Variants in LRRK2 observed in about 807,000 individuals in gnomAD.
The protein encoded by LRRK2 is leucine rich repeat kinase 2.
Under a neutral mutation model 302.6 loss-of-function variants are expected in LRRK2, and 203 were observed. The ratio of observed to expected loss-of-function variants is 0.67; its 90% CI spans 0.60 to 0.75. The LOEUF is 0.75. Ranked by LOEUF, LRRK2 falls within the 30% of genes least tolerant of loss-of-function variation. The pLI, the probability that LRRK2 is intolerant of heterozygous loss-of-function variation, is 0.00. For missense variants in LRRK2, 2,830 were observed against 2,951.0 expected (o/e 0.96, Z 0.95); for synonymous variants, 1,066 against 1,031.9 (o/e 1.03, Z -0.63).
chr12:40,243,789 A>T, intron 7 of LRRK2, 108 bp downstream of exon 7: 1 of 1,078,958 alleles, frequency 9.3e-7, no homozygotes, highest in Non-Finnish European at 1.4e-6. Context: ...ACATACTTTG[A>T]ATGAAAATAT....
At chr12:40,310,207 A>G (rs539573551) in intron 30 of LRRK2, among the ~76,000 whole-genome samples, 137 of 152,242 alleles carry the variant, frequency 9.0e-4, no homozygotes, top group African/African-American at 3.1e-3. Context: ...AAAAGGGTGA[A>G]GAATTGGGTT....
intron 19 of LRRK2, among the ~76,000 whole-genome samples, chr12:40,284,756 C>T (rs1943851757): frequency 6.6e-6 from 1 of 152,112 alleles, no homozygotes; most frequent in Non-Finnish European, 1.5e-5. Flanking sequence ...AGCGTGAAAG[C>T]TCCCAGCTTT....
chr12:40,320,176 G>A lies in LRRK2; in HGVS notation c.5015+1G>A. The A allele has an allele frequency of 6.2e-7, 1 of 1,610,464 alleles. No homozygotes were observed. On this transcript the variant is annotated splice_donor_variant, in intron 34 of 50. Coordinates refer to ENST00000298910, the MANE Select transcript of LRRK2 (RefSeq NM_198578.4). LOFTEE classifies it high-confidence loss of function. ...AAGAATATTTGCTGGTTCCAAGCAG[G>A]TAAAGAAAACCTTAAAAAATTAATT...
At chr12:40,367,457 C>A in intron 50 of LRRK2, 187 bp from the exon 51 acceptor site, 1 of 459,630 alleles carries the variant, frequency 2.2e-6, no homozygotes, top group Non-Finnish European at 3.7e-6. Flanking sequence ...TTAATAGTTT[C>A]TATAATGTAT....
intron 7 of LRRK2, among the ~76,000 whole-genome samples, chr12:40,247,464 A>AAT (rs897473887): frequency 2.0e-5 from 3 of 148,686 alleles, no homozygotes; most frequent in African/African-American, 7.3e-5. Context: ...TATGTATATA[A>AAT]ATATATACAC....
intron 36 of LRRK2, 30 bp downstream of exon 36, chr12:40,322,211 T>C (rs1945423226): frequency 6.3e-7 from 1 of 1,595,314 alleles, no homozygotes; most frequent in Non-Finnish European, 8.6e-7. Flanking sequence ...TGTTTTCAAT[T>C]GCAACACTAA....
chr12:40,334,994 C>A lies in LRRK2; in HGVS notation c.5785C>A (p.His1929Asn). The A allele has an allele frequency of 8.1e-6, 13 of 1,614,050 alleles. No individual in the cohort carries two copies. Among genetic ancestry groups the A allele is most frequent in the Non-Finnish European group, 1.1e-5 (13 of 1,179,978 alleles). Residue 1929 changes from histidine (H) to asparagine (N), a missense_variant, in exon 40 of 51, where the codon CAC (histidine) becomes AAC (asparagine). Transcript: ENST00000298910. ...QELVVLCHLH[H>N]PSLISLLAAG... Reference sequence around the variant, plus strand: ...GCTTGTGGTGCTTTGCCACCTCCACCACCCCAGTTTGATATCTTTGCTGGC... The same window carrying A: ...GCTTGTGGTGCTTTGCCACCTCCACAACCCCAGTTTGATATCTTTGCTGGC...
intron 37 of LRRK2, 36 bp from the exon 38 acceptor site, chr12:40,323,124 T>C (rs944217901): frequency 1.3e-6 from 2 of 1,581,438 alleles, no homozygotes; most frequent in African/African-American, 1.3e-5. Context: ...TCCTTAAATG[T>C]TGTTTTTATT....
intron 50 of LRRK2, 133 bp from the exon 51 acceptor site, chr12:40,367,511 G>A (rs1946914839): frequency 4.4e-6 from 3 of 689,054 alleles, no homozygotes; most frequent in Non-Finnish European, 6.6e-6. Context: ...TAATAATTTA[G>A]TACATTAGTT....
rs548068676 is a variant in LRRK2 at position 40,244,079 on chromosome 12, C to A, written c.838+398C>A. Among the ~76,000 whole-genome samples the A allele has an allele frequency of 6.6e-5, 10 of 152,116 alleles. No individual in the cohort carries two copies. The South Asian group carries it at 2.1e-3, about 32-fold the overall frequency. ...AGCATAATGCAAATAACTCACTATC[C>A]AACTTAAATGTTGTATATTCCCAGT... On this transcript the variant is annotated intron_variant, in intron 7 of 50. Transcript: ENST00000298910.
chr12:40,351,742 A>G lies in LRRK2; in HGVS notation c.6576+9A>G. The G allele has an allele frequency of 6.2e-7, 1 of 1,613,452 alleles. No homozygotes were observed. The highest frequency in any genetic ancestry group is 8.5e-7 in the Non-Finnish European group (1 of 1,179,448). On this transcript the variant is annotated intron_variant, in intron 44 of 50. Transcript: ENST00000298910. Reference sequence around the variant, plus strand: ...AAGGATACACTTCTGAGGTAAATCCAAATGCTCTTTAAATCTTTCATAATT... The same window carrying G: ...AAGGATACACTTCTGAGGTAAATCCGAATGCTCTTTAAATCTTTCATAATT...
At chr12:40,335,506 C>T (rs1164656062) in intron 40 of LRRK2, among the ~76,000 whole-genome samples, 1 of 152,116 alleles carries the variant, frequency 6.6e-6, no homozygotes, top group Non-Finnish European at 1.5e-5. Flanking sequence ...AAAGATGAGT[C>T]CATACTTCTC....
chr12:40,328,283 T>A (rs1027597823), intron 38 of LRRK2, 77 bp from the exon 39 acceptor site: 24 of 1,109,366 alleles, frequency 2.2e-5, no homozygotes, highest in Non-Finnish European at 2.9e-5. Context: ...ACAGATATAA[T>A]TACAACAGAT....
rs200364467 is a variant in LRRK2 at position 40,299,230 on chromosome 12, A to T, written c.3469A>T (p.Ser1157Cys). ...TCTTGAGGCTTGTCCTAAAGTGGAG[A>T]GTTTCAGTGCCAGAATGAATTTTCT... is the stretch of plus-strand genomic sequence containing the variant. ...NFLEACPKVE[S>C]FSARMNFLAA... Residue 1157 changes from serine (S) to cysteine (C), a missense_variant, in exon 25 of 51, where the codon AGT (serine) becomes TGT (cysteine). By Grantham distance (112) the Ser-to-Cys change is moderately radical. Around this residue, in one of 3 missense-constraint regions of LRRK2, gnomAD observed 2,121 missense variants for 2,148.0 expected, o/e 0.99. Transcript: ENST00000298910. 2.5e-6 allele frequency: 4 copies of T among 1,613,272 alleles called. No individual in the cohort carries two copies. Among genetic ancestry groups the T allele is most frequent in the Non-Finnish European group, 3.4e-6 (4 of 1,179,708 alleles).
rs1310540518 is a variant in LRRK2 at position 40,232,390 on chromosome 12, AT to A, written c.347+8del. 2 of 1,591,008 alleles carry A rather than the reference AT, an allele frequency of 1.3e-6. No individual in the cohort carries two copies. The highest frequency in any genetic ancestry group is 2.2e-5 in the South Asian group (2 of 90,606). ...AAGTCCTTGGTGTTCACCAGTAAGT[AT>A]GATAGATATGTAAAACAAATGGCCT... On this transcript the variant is annotated splice_region_variant and intron_variant, in intron 3 of 50. Transcript: ENST00000298910.
At chr12:40,317,636 C>T (rs903846943) in intron 33 of LRRK2, among the ~76,000 whole-genome samples, 2 of 151,994 alleles carry the variant, frequency 1.3e-5, no homozygotes, top group Non-Finnish European at 2.9e-5. Context: ...TCAGGTGGAA[C>T]ATTAAAAAGC....
At chr12:40,293,170 G>A (rs1034358521) in intron 20 of LRRK2, among the ~76,000 whole-genome samples, 9 of 151,978 alleles carry the variant, frequency 5.9e-5, no homozygotes. Context: ...CAAACTTTCT[G>A]CACACACATA....
intron 41 of LRRK2, 53 bp from the exon 42 acceptor site, chr12:40,346,700 A>T: frequency 6.5e-7 from 1 of 1,546,020 alleles, no homozygotes; most frequent in South Asian, 1.1e-5. Flanking sequence ...GCCTCCTTGG[A>T]TGTATGAGCC....
At chr12:40,293,431 T>C (rs899534816) in intron 20 of LRRK2, 114 bp from the exon 21 acceptor site, 29 of 678,836 alleles carry the variant, frequency 4.3e-5, no homozygotes, top group East Asian at 1.2e-4. Flanking sequence ...ACTGTGAAAT[T>C]TCCATTAATA....
Sources: allele counts gnomAD v4.1 joint callset (sites outside exome capture counted in the v4.1 genomes callset), GRCh38; gene constraint gnomAD v4.1.1; regional missense constraint gnomAD v4.1.1; transcripts MANE v1.5; gene names NCBI Gene and HGNC (gene_info 2026-07-23, HGNC 2026-07-21).